Variants in ERC2 observed in about 807,000 individuals in gnomAD.
ERC2 encodes ERC protein 2.
ERC2 carries 42 observed loss-of-function variants against 114.8 expected under a neutral mutation model. The observed-to-expected ratio is 0.37, with a 90% confidence interval of 0.29 to 0.47. The LOEUF (loss-of-function observed/expected upper bound fraction) is 0.47, where lower values mean the gene tolerates loss of function less well. ERC2 is among the 20% of genes least tolerant of loss of function. The pLI, the probability that ERC2 is intolerant of heterozygous loss-of-function variation, is 0.99. For synonymous variants in ERC2, 454 were observed against 425.5 expected, an observed-to-expected ratio of 1.07 and a Z score of -0.82; for missense variants, 939 against 1,150.7, an observed-to-expected ratio of 0.82 and a Z score of 2.66.
At chr3:55,995,709 A>G (rs998959582) in intron 10 of ERC2, among the ~76,000 whole-genome samples, 1 of 152,230 alleles carries the variant, frequency 6.6e-6, no homozygotes, top group Admixed American at 6.5e-5. Flanking sequence ...AAGATATTGT[A>G]CATAACCAGC....
chr3:56,431,741 T>C (rs952543825), intron 2 of ERC2, among the ~76,000 whole-genome samples: 5 of 152,236 alleles, frequency 3.3e-5, no homozygotes, highest in African/African-American at 1.2e-4. Context: ...ATATTGCAAG[T>C]AAATTGACTT....
At chr3:55,814,228 G>A (rs999179220) in intron 14 of ERC2, among the ~76,000 whole-genome samples, 20 of 152,130 alleles carry the variant, frequency 1.3e-4, no homozygotes, top group African/African-American at 4.8e-4. Context: ...GAAGATTTTG[G>A]TTCCTAGACA....
chr3:56,106,724 A>G (rs1389041155), intron 6 of ERC2, among the ~76,000 whole-genome samples: 3 of 152,172 alleles, frequency 2.0e-5, no homozygotes, highest in Non-Finnish European at 4.4e-5. Flanking sequence ...TGAAAATGGG[A>G]CAAGTGTTGC....
chr3:55,888,710 T>G (rs1275211040), intron 13 of ERC2, among the ~76,000 whole-genome samples, 161 bp from the exon 14 acceptor site: 1 of 152,082 alleles, frequency 6.6e-6, no homozygotes, highest in Non-Finnish European at 1.5e-5. Flanking sequence ...ATTGAAACTA[T>G]GAAAATGCAA....
intron 3 of ERC2, among the ~76,000 whole-genome samples, chr3:56,290,374 G>C (rs532167811): frequency 6.6e-6 from 1 of 152,312 alleles, no homozygotes; most frequent in South Asian, 2.1e-4. Flanking sequence ...GGAATGTACT[G>C]ATCAGGTAAG....
chr3:55,974,908 G>T (rs939351339), intron 12 of ERC2, among the ~76,000 whole-genome samples: 1 of 152,172 alleles, frequency 6.6e-6, no homozygotes, highest in Non-Finnish European at 1.5e-5. Context: ...TTGTATTATA[G>T]AAATAGCTTT....
At chr3:56,454,856 C>T (rs570147826) in intron 1 of ERC2, among the ~76,000 whole-genome samples, 2 of 49,386 alleles carry the variant, frequency 4.0e-5, no homozygotes, top group East Asian at 1.5e-3. Flanking sequence ...GAGACTCTGT[C>T]TCAGAAAAAA....
chr3:56,350,331 G>A (rs1157253377), intron 2 of ERC2, among the ~76,000 whole-genome samples: 1 of 152,208 alleles, frequency 6.6e-6, no homozygotes, highest in African/African-American at 2.4e-5. Context: ...GAGCCAAAAA[G>A]GAATTTGTAA....
At chr3:56,029,952 A>G (rs2074278673) in intron 7 of ERC2, among the ~76,000 whole-genome samples, 2 of 152,046 alleles carry the variant, frequency 1.3e-5, no homozygotes, top group South Asian at 4.1e-4. Flanking sequence ...TAAGCATCCA[A>G]TGCTTACATT....
intron 3 of ERC2, among the ~76,000 whole-genome samples, chr3:56,178,121 A>G (rs2083080501): frequency 6.6e-6 from 1 of 152,220 alleles, no homozygotes; most frequent in African/African-American, 2.4e-5. Flanking sequence ...TCAGAATGAT[A>G]CTTCTTGGCG....
intron 17 of ERC2, among the ~76,000 whole-genome samples, chr3:55,625,967 T>C (rs2059507910): frequency 6.6e-6 from 1 of 152,168 alleles, no homozygotes; most frequent in South Asian, 2.1e-4. Context: ...TTTAAAGAAG[T>C]ACCCTATTAT....
At chr3:55,549,290 A>G (rs903059208) in intron 17 of ERC2, among the ~76,000 whole-genome samples, 1 of 152,048 alleles carries the variant, frequency 6.6e-6, no homozygotes, top group African/African-American at 2.4e-5. Context: ...CCTGCAAAAA[A>G]AAAGGCCTCT....
chr3:55,683,715 G>C (rs988528876), intron 17 of ERC2, 79 bp downstream of exon 17: 1 of 1,124,806 alleles, frequency 8.9e-7, no homozygotes, highest in African/African-American at 1.6e-5. Flanking sequence ...AAACATCAGC[G>C]AGCACAATCG....
intron 14 of ERC2, among the ~76,000 whole-genome samples, chr3:55,858,195 C>T (rs902738509): frequency 1.3e-5 from 2 of 152,098 alleles, no homozygotes; most frequent in African/African-American, 4.8e-5. Flanking sequence ...AGATGGCTAA[C>T]ATTTTATTAG....
At chr3:56,254,511 T>C (rs2052387205) in intron 3 of ERC2, among the ~76,000 whole-genome samples, 1 of 152,206 alleles carries the variant, frequency 6.6e-6, no homozygotes, top group Non-Finnish European at 1.5e-5. Context: ...TCATTTTTCT[T>C]TCCTTACCTT....
In ERC2 at chr3:56,245,161, T is replaced by C. The variant is rs1022560087; in HGVS notation, c.1074+50858A>G. 8.6e-5 allele frequency among the ~76,000 whole-genome samples: 13 copies of C among 151,260 alleles called. 1 individual carries two copies. The highest frequency in any genetic ancestry group is 7.9e-4 in the Admixed American group (12 of 15,140). ...TCAGAACATTGCCCCATCATTGATATAGTACTGTATTATAAATTAAATATA... is the reference window on the plus strand; with the variant it reads ...TCAGAACATTGCCCCATCATTGATACAGTACTGTATTATAAATTAAATATA... On this transcript the variant is annotated intron_variant, in intron 3 of 17. Transcript: ENST00000288221.
chr3:56,289,839 C>A (rs2054966128), intron 3 of ERC2, among the ~76,000 whole-genome samples: 1 of 152,198 alleles, frequency 6.6e-6, no homozygotes, highest in Admixed American at 6.5e-5. Flanking sequence ...GGGACAGGTA[C>A]AGAGTCTAGA....
At chr3:56,351,340 G>A (rs1397332963) in intron 2 of ERC2, among the ~76,000 whole-genome samples, 3 of 151,968 alleles carry the variant, frequency 2.0e-5, no homozygotes, top group Non-Finnish European at 2.9e-5. Flanking sequence ...CCATTTGTAC[G>A]CATCCTTTTT....
At chr3:55,929,765 T>C (rs2065963740) in intron 13 of ERC2, among the ~76,000 whole-genome samples, 1 of 152,160 alleles carries the variant, frequency 6.6e-6, no homozygotes, top group Admixed American at 6.5e-5. Context: ...GAGATCTGCT[T>C]GTTTAAAAGT....
Sources: gnomAD v4.1 joint callset for allele counts (sites outside exome capture counted in the v4.1 genomes callset) on GRCh38, gnomAD v4.1.1 for gene constraint, MANE v1.5 for transcripts, NCBI Gene and HGNC (gene_info 2026-07-23, HGNC 2026-07-21) for gene names.